Variants in THNSL1 observed in about 807,000 individuals in gnomAD.
THNSL1 encodes the protein threonine synthase-like 1.
Under a neutral mutation model 50.4 loss-of-function variants are expected in THNSL1, and 48 were observed. That is an observed-to-expected ratio of 0.95 (90% CI 0.76 to 1.21). The LOEUF is 1.21. THNSL1 is among the 50% of genes most tolerant of loss of function. THNSL1 has a pLI of 0.00. For synonymous variants in THNSL1, 309 were observed against 306.1 expected (o/e 1.01, Z -0.10); for missense variants, 896 against 871.7 (o/e 1.03, Z -0.35).
At chr10:24,958,299 A>C in the THNSL1 span, among the ~76,000 whole-genome samples, 1 of 152,244 alleles carries the variant, frequency 6.6e-6, no homozygotes, top group African/African-American at 2.4e-5. Context: ...AATCTGGATG[A>C]AATCCACTGT....
chr10:24,995,020 C>G, the THNSL1 span, among the ~76,000 whole-genome samples: 1 of 151,656 alleles, frequency 6.6e-6, no homozygotes. Context: ...GAATATGTCT[C>G]AAAAAAAATC....
At chr10:25,021,256 C>T (rs935419414) in intron 1 of THNSL1, among the ~76,000 whole-genome samples, 3 of 152,120 alleles carry the variant, frequency 2.0e-5, no homozygotes, top group Non-Finnish European at 4.4e-5. Context: ...TTATTATAGA[C>T]ACTTATATAG....
chr10:24,978,389 T>C, the THNSL1 span, among the ~76,000 whole-genome samples: 4 of 151,964 alleles, frequency 2.6e-5, no homozygotes, highest in Non-Finnish European at 5.9e-5. Context: ...CCTTTTTTTT[T>C]ACTTTTCTTC....
chr10:25,021,285 T>C (rs1174329510), intron 1 of THNSL1, among the ~76,000 whole-genome samples: 1 of 152,228 alleles, frequency 6.6e-6, no homozygotes, highest in Non-Finnish European at 1.5e-5. Context: ...TATCTTTTTG[T>C]GGCAAGAGTT....
chr10:24,995,129 C>G, the THNSL1 span, among the ~76,000 whole-genome samples: 1 of 151,996 alleles, frequency 6.6e-6, no homozygotes, highest in African/African-American at 2.4e-5. Context: ...ACTTTCAAGT[C>G]TTTACCCAAA....
the THNSL1 span, among the ~76,000 whole-genome samples, chr10:24,952,843 C>T: frequency 5.4e-4 from 82 of 151,674 alleles, no homozygotes; most frequent in Non-Finnish European, 9.3e-4. This position sits in a 1 kb window ranked among gnomAD's most constrained non-coding sequence, Gnocchi z 5.1. Context: ...GAGCGCGGGC[C>T]CCGGACGCGT....
the THNSL1 span, among the ~76,000 whole-genome samples, chr10:24,964,628 C>A: frequency 6.6e-6 from 1 of 152,284 alleles, no homozygotes; most frequent in African/African-American, 2.4e-5. Context: ...ATTGATATTA[C>A]TTCCATTTCA....
At position 25,021,835 on chromosome 10, in the gene THNSL1, T is replaced by C. The variant is rs895546781; in HGVS notation, c.-122T>C. 6.6e-6 allele frequency: 1 copy of C among 152,176 alleles called. No homozygotes were observed. Among genetic ancestry groups the C allele is most frequent in the Non-Finnish European group, 1.5e-5 (1 of 68,016 alleles). 9.4% of individuals were successfully genotyped at this position (152,176 alleles called of 1,614,324 possible). ...CCTATGTTTACAAGTCAGTGGAAAT[T>C]AAGCACAACACATATAAATTGAAAA... On this transcript the variant is annotated 5_prime_UTR_variant, in exon 2 of 3. Transcript: ENST00000376356.
chr10:24,963,420 T>A, the THNSL1 span, among the ~76,000 whole-genome samples: 2 of 152,250 alleles, frequency 1.3e-5, no homozygotes, highest in Non-Finnish European at 2.9e-5. Flanking sequence ...GGCGTAGTTC[T>A]CAGGTTCAGA....
chr10:24,980,848 C>T, the THNSL1 span, among the ~76,000 whole-genome samples: 1 of 152,058 alleles, frequency 6.6e-6, no homozygotes, highest in Non-Finnish European at 1.5e-5. Flanking sequence ...TCCTGAGTAG[C>T]TGGGACTATA....
the THNSL1 span, among the ~76,000 whole-genome samples, chr10:24,968,820 G>A: frequency 1.3e-5 from 2 of 152,236 alleles, no homozygotes; most frequent in South Asian, 2.1e-4. Flanking sequence ...TACCTTTGGA[G>A]AGACAGAAGT....
chr10:24,986,920 A>G, the THNSL1 span, among the ~76,000 whole-genome samples: 1 of 152,248 alleles, frequency 6.6e-6, no homozygotes, highest in Non-Finnish European at 1.5e-5. Context: ...AAGCTGAAAT[A>G]ATATCGTTCA....
In THNSL1 at chr10:25,024,327, A is replaced by C. The variant is rs747459713; in HGVS notation, c.1104A>C (p.Pro368=). Residue 368 remains proline (P), a synonymous_variant, in exon 3 of 3, where the codon CCA becomes CCC. Transcript: ENST00000376356. ...MPHIFAHCIP[P]SCNYMILVAT... ...ATATTTTTGCACACTGTATCCCACC[A>C]AGTTGCAATTATATGATACTTGTAG... The C allele has an allele frequency of 1.9e-6, 3 of 1,614,076 alleles. No homozygotes were observed. The highest frequency in any genetic ancestry group is 2.7e-5 in the African/African-American group (2 of 74,940).
At chr10:24,992,756 T>A in the THNSL1 span, among the ~76,000 whole-genome samples, 1 of 152,140 alleles carries the variant, frequency 6.6e-6, no homozygotes, top group South Asian at 2.1e-4. Context: ...ACTTAACCCA[T>A]CCTGACTGAA....
the THNSL1 span, among the ~76,000 whole-genome samples, chr10:24,990,866 T>TG: frequency 1.6e-3 from 244 of 151,414 alleles, 1 homozygote; most frequent in African/African-American, 3.5e-3. Flanking sequence ...GGCTGAGGGG[T>TG]GGGGGGGTGG....
chr10:24,973,913 C>G, the THNSL1 span, among the ~76,000 whole-genome samples: 1 of 152,080 alleles, frequency 6.6e-6, no homozygotes, highest in Non-Finnish European at 1.5e-5. Flanking sequence ...GCCACCACGC[C>G]CGGCTAATTT....
the THNSL1 span, among the ~76,000 whole-genome samples, chr10:24,964,175 T>G: frequency 6.6e-6 from 1 of 152,216 alleles, no homozygotes; most frequent in Non-Finnish European, 1.5e-5. Flanking sequence ...CAAATGTCCA[T>G]GGTGGCTGGG....
chr10:24,976,641 C>T, the THNSL1 span, among the ~76,000 whole-genome samples: 1 of 152,034 alleles, frequency 6.6e-6, no homozygotes, highest in African/African-American at 2.4e-5. Flanking sequence ...AGGTGCCTGC[C>T]ACCACACCCA....
At chr10:25,010,404 T>G in the THNSL1 span, among the ~76,000 whole-genome samples, 1 of 152,140 alleles carries the variant, frequency 6.6e-6, no homozygotes, top group African/African-American at 2.4e-5. Context: ...TTCAGTTTTA[T>G]GTATTCACAA....
Sources: allele counts gnomAD v4.1 joint callset (sites outside exome capture counted in the v4.1 genomes callset), GRCh38; gene constraint gnomAD v4.1.1; non-coding constraint Gnocchi (gnomAD v3.1); transcripts MANE v1.5; gene names NCBI Gene and HGNC (gene_info 2026-07-23, HGNC 2026-07-21).